Variants in TBXAS1 observed in about 807,000 individuals in gnomAD.
The protein encoded by TBXAS1 is thromboxane-A synthase.
Under a neutral mutation model 60.7 loss-of-function variants are expected in TBXAS1, and 48 were observed. The ratio of observed to expected loss-of-function variants is 0.79; its 90% CI spans 0.63 to 1.01. The LOEUF (loss-of-function observed/expected upper bound fraction) is 1.01. Ranked by LOEUF, TBXAS1 falls within the 50% of genes least tolerant of loss-of-function variation. The pLI, the probability that TBXAS1 is intolerant of heterozygous loss-of-function variation, is 0.00. For synonymous variants in TBXAS1, 287 were observed against 269.7 expected, an observed-to-expected ratio of 1.06 and a Z score of -0.63; for missense variants, 685 against 686.3, an observed-to-expected ratio of 1.00 and a Z score of 0.02.
At chr7:139,981,381 G>C (rs1045591441) in intron 9 of TBXAS1, among the ~76,000 whole-genome samples, 5 of 152,178 alleles carry the variant, frequency 3.3e-5, no homozygotes, top group Non-Finnish European at 4.4e-5. Context: ...CTCCCAGAGT[G>C]CTGGGATTAC....
At chr7:139,991,887 T>C (rs1695305810) in intron 9 of TBXAS1, among the ~76,000 whole-genome samples, 1 of 152,216 alleles carries the variant, frequency 6.6e-6, no homozygotes, top group Non-Finnish European at 1.5e-5. Context: ...GGACTTTAGC[T>C]GGGAGCACTT....
At chr7:139,902,994 T>C (rs1804696071) in intron 3 of TBXAS1, among the ~76,000 whole-genome samples, 2 of 152,068 alleles carry the variant, frequency 1.3e-5, no homozygotes, top group Admixed American at 1.3e-4. Flanking sequence ...TTTGGTTACA[T>C]GAGTAAGTTC....
intron 9 of TBXAS1, among the ~76,000 whole-genome samples, chr7:139,968,471 T>C (rs1810954405): frequency 6.6e-6 from 1 of 152,100 alleles, no homozygotes; most frequent in African/African-American, 2.4e-5. Flanking sequence ...ATTTTTGTAT[T>C]TTTAGTAGAC....
intron 9 of TBXAS1, among the ~76,000 whole-genome samples, chr7:139,985,995 T>C (rs918852516): frequency 2.6e-4 from 39 of 152,232 alleles, no homozygotes; most frequent in African/African-American, 9.2e-4. Flanking sequence ...CATGAGGTGC[T>C]ACATGAGCAT....
chr7:139,832,520 G>C (rs1297871099), intron 1 of TBXAS1, among the ~76,000 whole-genome samples: 1 of 152,158 alleles, frequency 6.6e-6, no homozygotes, highest in Non-Finnish European at 1.5e-5. Flanking sequence ...AATTCTAAAA[G>C]CTTGCAAAAC....
At chr7:139,874,261 G>A (rs1424385443) in intron 2 of TBXAS1, among the ~76,000 whole-genome samples, 7 of 152,124 alleles carry the variant, frequency 4.6e-5, no homozygotes, top group African/African-American at 7.2e-5. Flanking sequence ...AAACCAGATC[G>A]GAAAGCTAAA....
rs780814939 is a variant in TBXAS1 at position 140,007,146 on chromosome 7, T to C, written c.1190T>C (p.Ile397Thr). 9 of 1,614,074 alleles carry C rather than the reference T, an allele frequency of 5.6e-6. No homozygotes were observed. The Admixed American group carries it at 1.2e-4, about 21-fold the overall frequency. Reference sequence around the variant, plus strand: ...GGCCTGCCCTATCTGGACATGGTGATTGCAGAGACGCTGAGGATGTACCCG... The same window carrying C: ...GGCCTGCCCTATCTGGACATGGTGACTGCAGAGACGCTGAGGATGTACCCG... ...EEGLPYLDMV[I>T]AETLRMYPPA... The change falls in exon 10 of 13, where the codon ATT becomes ACT. Residue 397 changes from isoleucine (I) to threonine (T), a missense_variant. By Grantham distance (89) the Ile-to-Thr change is moderately conservative. Coordinates refer to ENST00000448866, the MANE Select transcript of TBXAS1 (RefSeq NM_001061.7).
At chr7:140,016,096 AGGTG>A (rs1815024163) in intron 11 of TBXAS1, among the ~76,000 whole-genome samples, 8 of 152,294 alleles carry the variant, frequency 5.3e-5, no homozygotes, top group African/African-American at 1.9e-4. Context: ...TGGGAGGCCA[AGGTG>A]GGCAGATCAC....
At chr7:139,914,086 G>A (rs1177331246) in intron 4 of TBXAS1, 2 of 148,832 alleles carry the variant, frequency 1.3e-5, no homozygotes, top group East Asian at 3.9e-4. Flanking sequence ...CTGGAGTTCA[G>A]TGGTGTGATC....
chr7:139,890,068 C>T lies in TBXAS1; in HGVS notation c.236+14431C>T, dbSNP rs373279692. ...GTTTCCCGCAGTGTGTCCTTGAGAC[C>T]ATCGTTTCCACTGACAGTAATAATT... On this transcript the variant is annotated intron_variant, in intron 3 of 12. Transcript: ENST00000448866. Among the ~76,000 whole-genome samples, 3 of 152,234 alleles carry T rather than the reference C, an allele frequency of 2.0e-5. No homozygotes were observed. In the South Asian group the frequency reaches 6.2e-4, roughly 32 times the overall value.
At chr7:139,879,691 A>T (rs1452231417) in intron 3 of TBXAS1, among the ~76,000 whole-genome samples, 1 of 152,086 alleles carries the variant, frequency 6.6e-6, no homozygotes, top group Non-Finnish European at 1.5e-5. Context: ...TTGTAGCTGG[A>T]CTTTGTAACC....
chr7:140,001,171 T>A (rs940878883), intron 9 of TBXAS1, among the ~76,000 whole-genome samples: 1 of 152,182 alleles, frequency 6.6e-6, no homozygotes, highest in East Asian at 1.9e-4. Context: ...ATTTTGAGAT[T>A]TCCCCCCAGC....
chr7:139,838,059 G>A (rs889669922), intron 1 of TBXAS1, among the ~76,000 whole-genome samples: 2 of 152,128 alleles, frequency 1.3e-5, no homozygotes, highest in Admixed American at 6.5e-5. Context: ...CTCCTTCAGC[G>A]GGCCCCCTGT....
Position 140,020,196 on chromosome 7 carries a change from T to C in TBXAS1, c.*97T>C, listed in dbSNP as rs550295650. On this transcript the variant is annotated 3_prime_UTR_variant, in exon 13 of 13. Transcript: ENST00000448866. ...TTTTGGAAAAATGTCACTGAAGTGATTGAAAGAGTGCCTGGCATGCAAGGA... is the reference window on the plus strand; with the variant it reads ...TTTTGGAAAAATGTCACTGAAGTGACTGAAAGAGTGCCTGGCATGCAAGGA... 11 of 1,147,728 alleles carry C rather than the reference T, an allele frequency of 9.6e-6. No homozygotes were observed. The highest frequency in any genetic ancestry group is 3.0e-5 in the African/African-American group (2 of 66,040). The allele number at this position is 1,147,728 out of a possible 1,614,324, so 71.1% of individuals were successfully genotyped here. A position where few individuals can be genotyped will look rare whatever the true frequency, so the allele number is the denominator to read the frequency against.
chr7:139,799,531 T>G (rs1797661988), intron 4 of TBXAS1, among the ~76,000 whole-genome samples: 1 of 152,094 alleles, frequency 6.6e-6, no homozygotes, highest in African/African-American at 2.4e-5. Flanking sequence ...ATTTTTAAAT[T>G]TTTTTGTAGA....
intron 9 of TBXAS1, among the ~76,000 whole-genome samples, chr7:140,002,575 A>C (rs1274023936): frequency 1.3e-5 from 2 of 151,784 alleles, no homozygotes; most frequent in African/African-American, 4.8e-5. Context: ...TGGGATAGGG[A>C]CTTGAGTTTT....
At chr7:140,014,915 A>AAAAAAAGAAG (rs1399908570) in intron 10 of TBXAS1, among the ~76,000 whole-genome samples, 12 of 151,374 alleles carry the variant, frequency 7.9e-5, no homozygotes, top group African/African-American at 2.9e-4. Flanking sequence ...TCTCAAAAAA[A>AAAAAAAGAAG]AAGAAGAAGA....
chr7:139,792,848 C>G (rs1074977), intron 4 of TBXAS1, among the ~76,000 whole-genome samples: 101,262 of 152,032 alleles, frequency 0.67, 35,770 homozygotes, highest in East Asian at 0.95. Flanking sequence ...AAAGTCATAA[C>G]TATCATTTGA....
intron 9 of TBXAS1, among the ~76,000 whole-genome samples, chr7:139,973,880 T>G (rs1051378045): frequency 2.0e-5 from 3 of 152,158 alleles, no homozygotes; most frequent in African/African-American, 7.2e-5. Flanking sequence ...GGAATGTAAT[T>G]AAACTCCACT....
Sources: allele counts gnomAD v4.1 joint callset (sites outside exome capture counted in the v4.1 genomes callset), GRCh38; gene constraint gnomAD v4.1.1; transcripts MANE v1.5; gene names NCBI Gene and HGNC (gene_info 2026-07-23, HGNC 2026-07-21).